SEL1L2: variants seen among roughly 807,000 people sequenced by gnomAD.
The protein encoded by SEL1L2 is protein sel-1 homolog 2.
In SEL1L2, 89 loss-of-function variants were observed where a neutral mutation model predicts 98.8. That is an observed-to-expected ratio of 0.90 (90% CI 0.76 to 1.07). SEL1L2 has a LOEUF of 1.07. SEL1L2 is among the 50% of genes least tolerant of loss of function. SEL1L2 has a pLI of 0.00. For synonymous variants in SEL1L2, 262 were observed against 278.5 expected (o/e 0.94, Z 0.59); for missense variants, 788 against 812.0 (o/e 0.97, Z 0.36).
At position 13,917,641 on chromosome 20, in the gene SEL1L2, C is replaced by G. The variant is rs181909309; in HGVS notation, c.386+1380G>C. Among the ~76,000 whole-genome samples the G allele has an allele frequency of 4.6e-5, 7 of 152,212 alleles. No individual in the cohort carries two copies. In the East Asian group the frequency reaches 1.4e-3, roughly 29 times the overall value. ...CTCAAAGGTTTGGGTTTTAAGAACT[C>G]ATGGACTTTGTTGCTGCCCTGTCTG... is the stretch of plus-strand genomic sequence containing the variant. On this transcript the variant is annotated intron_variant, in intron 4 of 19. Coordinates refer to ENST00000284951, the MANE Select transcript of SEL1L2 (RefSeq NM_025229.2).
chr20:13,849,324 G>T lies in SEL1L2; in HGVS notation c.*161C>A. The T allele has an allele frequency of 1.2e-6, 1 of 859,678 alleles. No homozygotes were observed. Among genetic ancestry groups the T allele is most frequent in the Non-Finnish European group, 1.8e-6 (1 of 558,700 alleles). The allele number at this position is 859,678 out of a possible 1,614,324, so 53.3% of individuals were successfully genotyped here. Reference sequence around the variant, plus strand: ...TTCTCTACTAAGCAGGAAGTCTGAAGTTGTTTCTCTAGGATGGTCCCCAAG... The same window carrying T: ...TTCTCTACTAAGCAGGAAGTCTGAATTTGTTTCTCTAGGATGGTCCCCAAG... On this transcript the variant is annotated 3_prime_UTR_variant, in exon 20 of 20. Coordinates refer to ENST00000284951, the MANE Select transcript of SEL1L2 (RefSeq NM_025229.2).
intron 5 of SEL1L2, among the ~76,000 whole-genome samples, chr20:13,899,671 C>T (rs1363552275): frequency 6.6e-6 from 1 of 152,066 alleles, no homozygotes; most frequent in Non-Finnish European, 1.5e-5. Flanking sequence ...TCCTGAAGGC[C>T]TCACCTATTA....
At chr20:13,930,707 T>C (rs1218539485) in intron 3 of SEL1L2, among the ~76,000 whole-genome samples, 6 of 152,136 alleles carry the variant, frequency 3.9e-5, no homozygotes, top group Non-Finnish European at 8.8e-5. Context: ...AGCTGGACTC[T>C]CAGAAAAAAA....
At chr20:13,919,426 G>A (rs905827404) in intron 3 of SEL1L2, among the ~76,000 whole-genome samples, 1 of 152,172 alleles carries the variant, frequency 6.6e-6, no homozygotes, top group Non-Finnish European at 1.5e-5. Context: ...AGGGATACAA[G>A]GTTCTCCGAT....
At chr20:13,893,456 T>C (rs1035352935) in intron 5 of SEL1L2, among the ~76,000 whole-genome samples, 3 of 152,082 alleles carry the variant, frequency 2.0e-5, no homozygotes, top group African/African-American at 4.8e-5. Flanking sequence ...GTTCGCTTCA[T>C]TAGAAAGATG....
intron 5 of SEL1L2, among the ~76,000 whole-genome samples, chr20:13,906,638 C>G (rs1261583304): frequency 6.6e-6 from 1 of 151,776 alleles, no homozygotes; most frequent in Non-Finnish European, 1.5e-5. Context: ...TAGCACAGTT[C>G]TAATAACCTA....
intron 5 of SEL1L2, among the ~76,000 whole-genome samples, chr20:13,904,013 A>G (rs910830878): frequency 5.9e-5 from 9 of 152,166 alleles, no homozygotes; most frequent in Non-Finnish European, 1.3e-4. Context: ...CTAAAATCAA[A>G]ATACATCAAG....
intron 2 of SEL1L2, among the ~76,000 whole-genome samples, chr20:13,945,374 G>T (rs2049961648): frequency 2.0e-5 from 3 of 151,974 alleles, no homozygotes; most frequent in African/African-American, 7.2e-5. Flanking sequence ...CCTACTTGGG[G>T]TATTCTATAA....
At chr20:13,986,119 G>T (rs998168087) in intron 1 of SEL1L2, among the ~76,000 whole-genome samples, 16 of 152,068 alleles carry the variant, frequency 1.1e-4, no homozygotes, top group African/African-American at 3.6e-4. Flanking sequence ...GTATGGAAAT[G>T]TTTTCAATTC....
chr20:13,929,443 G>A (rs2049033640), intron 3 of SEL1L2, among the ~76,000 whole-genome samples: 1 of 138,666 alleles, frequency 7.2e-6, no homozygotes, highest in Admixed American at 7.4e-5. Context: ...AATCTCCCCT[G>A]TCTGGAAAGC....
At chr20:13,888,128 A>G in intron 6 of SEL1L2, 127 bp from the exon 7 acceptor site, 1 of 757,402 alleles carries the variant, frequency 1.3e-6, no homozygotes, top group African/African-American at 1.8e-5. Flanking sequence ...TCCAAAATAA[A>G]TTTCAAATTT....
At chr20:13,966,444 G>C (rs966079574) in intron 1 of SEL1L2, among the ~76,000 whole-genome samples, 4 of 151,968 alleles carry the variant, frequency 2.6e-5, no homozygotes, top group Non-Finnish European at 5.9e-5. Flanking sequence ...TCAGCCTCTT[G>C]AGTAGCAGGA....
At chr20:13,907,425 C>T (rs189221262) in intron 5 of SEL1L2, among the ~76,000 whole-genome samples, 1 of 152,154 alleles carries the variant, frequency 6.6e-6, no homozygotes, top group East Asian at 1.9e-4. Context: ...CAATATTAGC[C>T]TGGTGTGGTG....
intron 5 of SEL1L2, among the ~76,000 whole-genome samples, chr20:13,901,603 C>A (rs1483879798): frequency 6.6e-6 from 1 of 151,192 alleles, no homozygotes. Flanking sequence ...GCTACCATTT[C>A]TCAAATAAAT....
At chr20:13,963,878 A>T (rs1047420662) in intron 1 of SEL1L2, among the ~76,000 whole-genome samples, 2 of 151,708 alleles carry the variant, frequency 1.3e-5, no homozygotes, top group Admixed American at 6.6e-5. Flanking sequence ...AAATATATAT[A>T]TTTTTTTCCT....
intron 2 of SEL1L2, among the ~76,000 whole-genome samples, chr20:13,933,310 G>GT (rs2049240796): frequency 6.6e-6 from 1 of 152,032 alleles, no homozygotes; most frequent in African/African-American, 2.4e-5. Context: ...CAATTCAATG[G>GT]TTTTTTAGAA....
intron 4 of SEL1L2, among the ~76,000 whole-genome samples, chr20:13,917,686 T>C (rs1217537262): frequency 6.6e-6 from 1 of 151,986 alleles, no homozygotes; most frequent in Non-Finnish European, 1.5e-5. Flanking sequence ...ACCACAGCTC[T>C]GGGATGCTTT....
At chr20:13,905,509 T>C (rs1271759638) in intron 5 of SEL1L2, among the ~76,000 whole-genome samples, 1 of 151,968 alleles carries the variant, frequency 6.6e-6, no homozygotes, top group Non-Finnish European at 1.5e-5. Context: ...AGAGACAGGG[T>C]TTCACCATGT....
chr20:13,879,809 G>A (rs1442886245), intron 10 of SEL1L2, among the ~76,000 whole-genome samples: 1 of 152,120 alleles, frequency 6.6e-6, no homozygotes, highest in Non-Finnish European at 1.5e-5. Flanking sequence ...CTAAATGAGA[G>A]AACACTAATA....
Sources: allele counts gnomAD v4.1 joint callset (sites outside exome capture counted in the v4.1 genomes callset), GRCh38; gene constraint gnomAD v4.1.1; transcripts MANE v1.5; gene names NCBI Gene and HGNC (gene_info 2026-07-23, HGNC 2026-07-21).